Variants in CCDC9B observed in about 807,000 individuals in gnomAD.
CCDC9B encodes coiled-coil domain-containing protein 9B.
A neutral mutation model predicts 47.2 loss-of-function variants in CCDC9B; 40 were observed. The ratio of observed to expected loss-of-function variants is 0.85; its 90% CI spans 0.66 to 1.10. The LOEUF (loss-of-function observed/expected upper bound fraction) is 1.10, where lower values mean the gene tolerates loss of function less well. Among genes scored for constraint, CCDC9B ranks in the 50% least tolerant of loss-of-function variants. The probability of loss-of-function intolerance (pLI) is 0.00; values close to 1 mark genes in which losing one functional copy is unlikely to be tolerated. For synonymous variants in CCDC9B, 238 were observed against 250.7 expected (o/e 0.95, Z 0.48); for missense variants, 662 against 651.0 (o/e 1.02, Z -0.18).
Position 40,334,850 on chromosome 15 carries a change from G to C in CCDC9B, c.*308C>G, listed in dbSNP as rs1888921379. 1 of 261,146 alleles carries C rather than the reference G, an allele frequency of 3.8e-6. No homozygotes were observed. Among genetic ancestry groups the C allele is most frequent in the Admixed American group, 5.5e-5 (1 of 18,346 alleles). The allele number at this position is 261,146 out of a possible 1,614,324, so 16.2% of individuals were successfully genotyped here. ...CTTGTTCTCTCATCATAGTGGAGAA[G>C]GCTTGTGGCCTGGGCAGCAGTAGGC... On this transcript the variant is annotated 3_prime_UTR_variant, in exon 11 of 11. Coordinates refer to ENST00000397536, the MANE Select transcript of CCDC9B (RefSeq NM_207380.3).
At position 40,335,242 on chromosome 15, in the gene CCDC9B, G is replaced by T; in HGVS notation, c.1389C>A (p.Pro463=). 1 of 1,593,730 alleles carries T rather than the reference G, an allele frequency of 6.3e-7. No individual in the cohort carries two copies. The highest frequency in any genetic ancestry group is 8.6e-7 in the Non-Finnish European group (1 of 1,168,210). Residue 463 remains proline (P), a synonymous_variant, in exon 11 of 11, where the codon CCC becomes CCA. Coordinates refer to ENST00000397536, the MANE Select transcript of CCDC9B (RefSeq NM_207380.3). The stretch of plus-strand genomic sequence containing the variant: ...TCGACCTTTGGCTGCCTCCTCTCGT[G>T]GGCCGGCTTCTCGGGGCCAGGCCCT... The part of the protein sequence containing the change: ...AQQGLAPRSR[P]TRGGSQRSRG...
rs1889053269 is a variant in CCDC9B, at chr15:40,339,937, T to C, written c.91A>G (p.Lys31Glu). The change falls in exon 2 of 11, where the codon AAG (lysine) becomes GAG (glutamate). Residue 31 changes from lysine to glutamate, a missense_variant. Transcript: ENST00000397536. ...ELDRRIVALR[K>E]KNQALLRRYQ... is the part of the protein sequence containing the mutation. ...CTGCGGAGCAAGGCCTGGTTCTTCT[T>C]GCGCAGGGCAACTATCCTCCGATCC... 8.7e-6 allele frequency: 14 copies of C among 1,613,884 alleles called. No individual in the cohort carries two copies. The highest frequency in any genetic ancestry group is 1.2e-5 in the Non-Finnish European group (14 of 1,179,886).
Position 40,333,751 on chromosome 15 carries a change from TG to T in CCDC9B, c.*1406del. 1.4e-6 allele frequency: 1 copy of T among 694,568 alleles called. No individual in the cohort carries two copies. Among genetic ancestry groups the T allele is most frequent in the Non-Finnish European group, 1.8e-6 (1 of 565,202 alleles). 43.0% of individuals were successfully genotyped at this position (694,568 alleles called of 1,614,324 possible). On this transcript the variant is annotated 3_prime_UTR_variant, in exon 11 of 11. Transcript: ENST00000397536. ...TGAGAGCCAGTGAGGAAGGCTGAGC[TG>T]GGACCCCACAGTTTAGGCTTCACAT...
chr15:40,340,196 C>CT, intron 1 of CCDC9B, 181 bp from the exon 2 acceptor site: 1 of 598,814 alleles, frequency 1.7e-6, no homozygotes, highest in East Asian at 2.8e-5. Context: ...TCCAGCTAGG[C>CT]CCGTCTGCCT....
intron 1 of CCDC9B, 50 bp from the exon 2 acceptor site, chr15:40,340,065 C>A (rs754898797): frequency 2.6e-6 from 3 of 1,155,874 alleles, no homozygotes; most frequent in South Asian, 2.6e-5. Flanking sequence ...CCCCTCTCAC[C>A]AGTCCCCAGC....
intron 5 of CCDC9B, 127 bp downstream of exon 5, chr15:40,338,408 C>T: frequency 9.1e-7 from 1 of 1,094,924 alleles, no homozygotes; most frequent in Non-Finnish European, 1.3e-6. Flanking sequence ...GGAGGAGGAG[C>T]AGGAACTCCT....
At position 40,335,466 on chromosome 15, in the gene CCDC9B, T is replaced by C; in HGVS notation, c.1165A>G (p.Arg389Gly). ...AGACCGAGCACACACCCGCTCTCCC[T>C]GGGCCCAGGGATGCCAGCCCCTCCT... is the stretch of plus-strand genomic sequence containing the variant. ...SLGGAGIPGP[R>G]ESGCVLGLRP... is the part of the protein sequence containing the mutation. Residue 389 changes from arginine (R) to glycine (G), a missense_variant, in exon 11 of 11, where the codon AGG (arginine) becomes GGG (glycine). Transcript: ENST00000397536. The C allele has an allele frequency of 6.3e-7, 1 of 1,599,794 alleles. No homozygotes were observed. Among genetic ancestry groups the C allele is most frequent in the African/African-American group, 1.3e-5 (1 of 74,622 alleles).
chr15:40,339,186 A>G (rs1200732598), intron 3 of CCDC9B: 2 of 591,762 alleles, frequency 3.4e-6, no homozygotes, highest in Non-Finnish European at 6.0e-6. Context: ...TGCTCCTGGC[A>G]TTCAGCCCCA....
intron 5 of CCDC9B, 84 bp downstream of exon 5, chr15:40,338,451 G>T: frequency 1.3e-6 from 2 of 1,488,468 alleles, no homozygotes; most frequent in Non-Finnish European, 1.8e-6. Context: ...CCCCGCAAAT[G>T]AGGGACATAT....
intron 6 of CCDC9B, 92 bp from the exon 7 acceptor site, chr15:40,337,538 T>C: frequency 3.1e-6 from 4 of 1,283,590 alleles, no homozygotes; most frequent in South Asian, 1.5e-5. Context: ...AGGCCCAGAA[T>C]TGAAGGCAGC....
chr15:40,336,450 G>T, intron 9 of CCDC9B, 124 bp downstream of exon 9: 1 of 1,452,658 alleles, frequency 6.9e-7, no homozygotes, highest in East Asian at 2.6e-5. Flanking sequence ...TCATTAACCT[G>T]CCAGGCAGCA....
chr15:40,334,578 C>T lies in CCDC9B; in HGVS notation c.*580G>A, dbSNP rs1289227588. ...TTTCACCAAGAAGACGTGAGCTCTA[C>T]TCTTCTTTGCCCAGGCCAGACCCTG... is the stretch of plus-strand genomic sequence containing the variant. On this transcript the variant is annotated 3_prime_UTR_variant, in exon 11 of 11. Transcript: ENST00000397536. The T allele has an allele frequency of 6.6e-6, 1 of 152,316 alleles. No homozygotes were observed. Among genetic ancestry groups the T allele is most frequent in the Non-Finnish European group, 1.5e-5 (1 of 68,094 alleles). The allele number at this position is 152,316 out of a possible 1,614,324, so 9.4% of individuals were successfully genotyped here.
Position 40,334,062 on chromosome 15 carries a change from T to C in CCDC9B, c.*1096A>G. The C allele has an allele frequency of 6.5e-6, 1 of 152,868 alleles. No individual in the cohort carries two copies. The highest frequency in any genetic ancestry group is 1.5e-5 in the Non-Finnish European group (1 of 68,094). 9.5% of individuals were successfully genotyped at this position (152,868 alleles called of 1,614,324 possible). A position where few individuals can be genotyped will look rare whatever the true frequency, so the allele number is the denominator to read the frequency against. Reference sequence around the variant, plus strand: ...CAGCTCCCGCCCAGAACAGCCCAGATCTGCCGGATGACTGGCTTTCTTCCC... The same window carrying C: ...CAGCTCCCGCCCAGAACAGCCCAGACCTGCCGGATGACTGGCTTTCTTCCC... On this transcript the variant is annotated 3_prime_UTR_variant, in exon 11 of 11. Coordinates refer to ENST00000397536, the MANE Select transcript of CCDC9B (RefSeq NM_207380.3).
Position 40,337,856 on chromosome 15 carries a change from G to T in CCDC9B, c.551C>A (p.Pro184His). 5 of 1,607,792 alleles carry T rather than the reference G, an allele frequency of 3.1e-6. No individual in the cohort carries two copies. The highest frequency in any genetic ancestry group is 4.2e-6 in the Non-Finnish European group (5 of 1,178,032). The change falls in exon 6 of 11, where the codon CCC becomes CAC. Residue 184 changes from proline (P) to histidine (H), a missense_variant. Transcript: ENST00000397536. ...GGCATAGTCCCAGCCCGCCTCCGGG[G>T]GCTCCCCCACCGGCCGGCTCCAGGG... is the stretch of plus-strand genomic sequence containing the variant. ...WEPWSRPVGE[P>H]PEAGWDYAQW... is the part of the protein sequence containing the mutation.
Position 40,340,913 on chromosome 15 carries a change from C to G in CCDC9B, c.-94G>C. 2.5e-6 allele frequency: 4 copies of G among 1,608,482 alleles called. No individual in the cohort carries two copies. Among genetic ancestry groups the G allele is most frequent in the Non-Finnish European group, 3.4e-6 (4 of 1,178,152 alleles). On this transcript the variant is annotated 5_prime_UTR_variant, in exon 1 of 11. Transcript: ENST00000397536. ...CCACCGGAGCCGGGCCTCTGCCGGC[C>G]TCTCCCTGCCGGCTTCGCTGCTCAG...
At chr15:40,337,249 G>T in intron 7 of CCDC9B, 139 bp downstream of exon 7, 1 of 817,584 alleles carries the variant, frequency 1.2e-6, no homozygotes, top group East Asian at 2.6e-5. Flanking sequence ...CTGATAGTGA[G>T]GGAGAGGAAG....
chr15:40,335,576 G>C lies in CCDC9B; in HGVS notation c.1055C>G (p.Pro352Arg), dbSNP rs113207463. The change falls in exon 11 of 11, where the codon CCG becomes CGG. Residue 352 changes from proline (P) to arginine (R), a missense_variant. Physicochemically the swap from Pro to Arg is moderately radical, Grantham distance 103. Transcript: ENST00000397536. ...TGTGGAAGCCACTGACTCCCCCTTC[G>C]GCCCCTCTGGGGATGCCAGGGCTGG... ...ASPALASPEGPKGESVASTAS... is the reference protein window; with the variant it reads ...ASPALASPEGRKGESVASTAS... The C allele has an allele frequency of 9.3e-6, 14 of 1,499,250 alleles. No individual in the cohort carries two copies. The highest frequency in any genetic ancestry group is 1.2e-5 in the Non-Finnish European group (14 of 1,122,584). 92.9% of individuals were successfully genotyped at this position (1,499,250 alleles called of 1,614,324 possible).
In CCDC9B at chr15:40,334,941, C is replaced by T. The variant is rs930168121; in HGVS notation, c.*217G>A. On this transcript the variant is annotated 3_prime_UTR_variant, in exon 11 of 11. Transcript: ENST00000397536. Reference sequence around the variant, plus strand: ...ACAGGAATACACCAGGGGCTGTGCCCGTGCGTGAAAACACACATGTGCACA... The same window carrying T: ...ACAGGAATACACCAGGGGCTGTGCCTGTGCGTGAAAACACACATGTGCACA... 3.3e-5 allele frequency: 14 copies of T among 421,128 alleles called. No individual in the cohort carries two copies. The highest frequency in any genetic ancestry group is 4.6e-5 in the Non-Finnish European group (11 of 237,572). 26.1% of individuals were successfully genotyped at this position (421,128 alleles called of 1,614,324 possible). A position where few individuals can be genotyped will look rare whatever the true frequency, so the allele number is the denominator to read the frequency against.
intron 7 of CCDC9B, chr15:40,337,137 C>T (rs1888979281): frequency 4.7e-6 from 3 of 636,134 alleles, no homozygotes; most frequent in Non-Finnish European, 8.5e-6. Context: ...CAAAGAGACC[C>T]CGGGCCGGCT....
Sources: gnomAD v4.1 joint callset for allele counts on GRCh38, gnomAD v4.1.1 for gene constraint, MANE v1.5 for transcripts, NCBI Gene and HGNC (gene_info 2026-07-23, HGNC 2026-07-21) for gene names.